DBT: variants seen among roughly 807,000 people sequenced by gnomAD.
The protein encoded by DBT is dihydrolipoamide branched chain transacylase E2.
DBT carries 40 observed loss-of-function variants against 51.3 expected under a neutral mutation model. The observed-to-expected ratio is 0.78, with a 90% CI of 0.61 to 1.02. The LOEUF is 1.02. DBT is among the 50% of genes least tolerant of loss of function. The pLI, the probability that DBT is intolerant of heterozygous loss-of-function variation, is 0.00. For missense variants in DBT, 510 were observed against 580.2 expected (o/e 0.88, Z 1.24); for synonymous variants, 181 against 190.4 (o/e 0.95, Z 0.41).
intron 3 of DBT, among the ~76,000 whole-genome samples, chr1:100,234,347 C>A (rs1361773721): frequency 6.6e-6 from 1 of 151,464 alleles, no homozygotes; most frequent in South Asian, 2.1e-4. Flanking sequence ...TTAAAACAAT[C>A]AAAAAAAGCT....
rs1660649340 is a variant in DBT, at chr1:100,188,056, T to C, written c.*8199A>G. ...TCACTGTGGCAAGTTTGTCCTCCTC[T>C]GTCCAAAGCAACAATTGAACCAACA... On this transcript the variant is annotated 3_prime_UTR_variant, in exon 11 of 11. Transcript: ENST00000370132. 2 of 152,226 alleles carry C rather than the reference T, an allele frequency of 1.3e-5. No homozygotes were observed. The highest frequency in any genetic ancestry group is 4.1e-4 in the South Asian group (2 of 4,832). 9.4% of individuals were successfully genotyped at this position (152,226 alleles called of 1,614,324 possible).
At chr1:100,215,031 T>G in intron 6 of DBT, 48 bp from the exon 7 acceptor site, 159 of 1,287,704 alleles carry the variant, frequency 1.2e-4, no homozygotes, top group East Asian at 1.8e-4. Context: ...CTCAAATCTC[T>G]TCATCCTTTT....
rs575617134 is a variant in DBT, at chr1:100,212,539, A to G, written c.940-1768T>C. Among the ~76,000 whole-genome samples the G allele has an allele frequency of 2.7e-3, 401 of 147,166 alleles. 3 individuals carry two copies. Among genetic ancestry groups the G allele is most frequent in the African/African-American group, 0.01 (393 of 38,836 alleles). On this transcript the variant is annotated intron_variant, in intron 7 of 10. Coordinates refer to ENST00000370132, the MANE Select transcript of DBT (RefSeq NM_001918.5). ...TGGGCAACAAAGTGAACCCTTTCTA[A>G]AAAAAAAAAGAAGAAAGAAAGAAAA...
Position 100,240,857 on chromosome 1 carries a change from C to T in DBT, c.79G>A (p.Gly27Ser). The T allele has an allele frequency of 6.2e-7, 1 of 1,612,866 alleles. No homozygotes were observed. Among genetic ancestry groups the T allele is most frequent in the East Asian group, 2.2e-5 (1 of 44,782 alleles). Residue 27 changes from glycine to serine, a missense_variant, in exon 2 of 11, where the codon GGT becomes AGT. Physicochemically the swap from Gly to Ser is moderately conservative, Grantham distance 56. Transcript: ENST00000370132. Reference sequence around the variant, plus strand: ...TTTGGCTTCAAAACATGAACATTACCACATGTTTGAAAATAGCGAACACAA... The same window carrying T: ...TTTGGCTTCAAAACATGAACATTACTACATGTTTGAAAATAGCGAACACAA... ...LICVRYFQTCGNVHVLKPNYV... is the reference protein window; with the variant it reads ...LICVRYFQTCSNVHVLKPNYV...
At chr1:100,202,132 C>A (rs189784836) in intron 10 of DBT, among the ~76,000 whole-genome samples, 58 of 152,150 alleles carry the variant, frequency 3.8e-4, no homozygotes, top group African/African-American at 1.3e-3. Context: ...AGAGTCAAGA[C>A]CCATCAATGT....
chr1:100,213,970 G>C (rs910942169), intron 7 of DBT, among the ~76,000 whole-genome samples: 35 of 148,996 alleles, frequency 2.3e-4, no homozygotes, highest in Non-Finnish European at 3.1e-4. Context: ...AAAAAAAAGA[G>C]AGAGATAATG....
chr1:100,245,291 C>T (rs899032119), intron 1 of DBT, among the ~76,000 whole-genome samples: 2 of 151,806 alleles, frequency 1.3e-5, no homozygotes, highest in Non-Finnish European at 2.9e-5. Flanking sequence ...CTGAAGCAAT[C>T]CTCCTGTCTC....
chr1:100,249,561 G>A (rs904917436), intron 1 of DBT, among the ~76,000 whole-genome samples: 2 of 152,206 alleles, frequency 1.3e-5, no homozygotes, highest in African/African-American at 2.4e-5. Context: ...CGCTGCAGAA[G>A]CGCTTCCAGG....
intron 8 of DBT, among the ~76,000 whole-genome samples, chr1:100,208,427 A>G (rs1661928438): frequency 6.6e-6 from 1 of 152,232 alleles, no homozygotes; most frequent in Admixed American, 6.5e-5. Flanking sequence ...ACCAACATTT[A>G]TAAAAATTCG....
chr1:100,229,124 T>C (rs1001696674), intron 4 of DBT, among the ~76,000 whole-genome samples: 7 of 152,210 alleles, frequency 4.6e-5, no homozygotes, highest in African/African-American at 1.7e-4. Context: ...AGTTCTAACT[T>C]TGGTCCTGTC....
Position 100,196,441 on chromosome 1 carries a change from A to C in DBT, c.1282-19T>G. On this transcript the variant is annotated intron_variant, in intron 10 of 10. Coordinates refer to ENST00000370132, the MANE Select transcript of DBT (RefSeq NM_001918.5). Reference sequence around the variant, plus strand: ...GAATGGCCTAGAAATGAAAAAAAAAAAAAAAAAAAAAAAAAAAAGAACAAA... The same window carrying C: ...GAATGGCCTAGAAATGAAAAAAAAACAAAAAAAAAAAAAAAAAAGAACAAA... 7.1e-7 allele frequency: 1 copy of C among 1,418,404 alleles called. No individual in the cohort carries two copies. Among genetic ancestry groups the C allele is most frequent in the Non-Finnish European group, 9.7e-7 (1 of 1,032,246 alleles). 87.9% of individuals were successfully genotyped at this position (1,418,404 alleles called of 1,614,324 possible). A position where few individuals can be genotyped will look rare whatever the true frequency, so the allele number is the denominator to read the frequency against.
chr1:100,227,457 C>T (rs1004637297), intron 4 of DBT, among the ~76,000 whole-genome samples: 4 of 152,170 alleles, frequency 2.6e-5, no homozygotes, highest in African/African-American at 9.7e-5. Flanking sequence ...GAAAGGTCCA[C>T]TTTACAGAAG....
At chr1:100,215,036 C>T (rs61812623) in intron 6 of DBT, 53 bp from the exon 7 acceptor site, 3 of 1,173,436 alleles carry the variant, frequency 2.6e-6, no homozygotes, top group Admixed American at 3.1e-5. Context: ...ATCTCTTCAT[C>T]CTTTTTTTTT....
At chr1:100,218,585 C>A (rs770727089) in intron 5 of DBT, 41 bp downstream of exon 5, 2 of 1,609,788 alleles carry the variant, frequency 1.2e-6, no homozygotes, top group African/African-American at 2.7e-5. Flanking sequence ...CAAATGTACA[C>A]TTCCTATACA....
chr1:100,200,017 T>A lies in DBT; in HGVS notation c.1282-3595A>T, dbSNP rs149891847. ...AGCTGCAGTTTTGTTTTTTTTTTCA[T>A]ACCCCAGTGATGCCTGGAACACCAG... On this transcript the variant is annotated intron_variant, in intron 10 of 10. Coordinates refer to ENST00000370132, the MANE Select transcript of DBT (RefSeq NM_001918.5). Among the ~76,000 whole-genome samples the A allele has an allele frequency of 7.2e-4, 110 of 151,872 alleles. No homozygotes were observed. In the East Asian group the frequency reaches 0.021, roughly 29 times the overall value.
chr1:100,247,223 A>G (rs1267506479), intron 1 of DBT, among the ~76,000 whole-genome samples: 1 of 152,254 alleles, frequency 6.6e-6, no homozygotes, highest in Non-Finnish European at 1.5e-5. Flanking sequence ...CAAGAAAATG[A>G]TATTATCAAA....
At chr1:100,246,748 A>C (rs1247129353) in intron 1 of DBT, among the ~76,000 whole-genome samples, 1 of 152,214 alleles carries the variant, frequency 6.6e-6, no homozygotes, top group African/African-American at 2.4e-5. Flanking sequence ...AAACAGATGC[A>C]ATTTCTTCCC....
At chr1:100,202,625 C>T (rs544088554) in intron 10 of DBT, among the ~76,000 whole-genome samples, 1 of 152,200 alleles carries the variant, frequency 6.6e-6, no homozygotes, top group Admixed American at 6.5e-5. Context: ...ACAGAATATA[C>T]ATTCTTCTCA....
intron 4 of DBT, among the ~76,000 whole-genome samples, chr1:100,223,545 C>A (rs572081353): frequency 6.6e-6 from 1 of 152,310 alleles, no homozygotes; most frequent in East Asian, 1.9e-4. Flanking sequence ...TAACTCAATG[C>A]AGCCTCAAAC....
Sources: allele counts gnomAD v4.1 joint callset (sites outside exome capture counted in the v4.1 genomes callset), GRCh38; gene constraint gnomAD v4.1.1; transcripts MANE v1.5; gene names NCBI Gene and HGNC (gene_info 2026-07-23, HGNC 2026-07-21).